PLEKHD1: variants seen among roughly 807,000 people sequenced by gnomAD.
The protein encoded by PLEKHD1 is pleckstrin homology domain-containing family D member 1.
PLEKHD1 carries 51 observed loss-of-function variants against 69.2 expected under a neutral mutation model. That is an observed-to-expected ratio of 0.74 (90% confidence interval 0.59 to 0.93). The LOEUF is 0.93. Among genes scored for constraint, PLEKHD1 ranks in the 40% least tolerant of loss-of-function variants. The probability of loss-of-function intolerance (pLI) is 0.00; values close to 1 mark genes in which losing one functional copy is unlikely to be tolerated. For missense variants in PLEKHD1, 584 were observed against 641.0 expected (o/e 0.91, Z 0.96); for synonymous variants, 236 against 244.7 (o/e 0.96, Z 0.33).
At chr14:69,488,794 C>G (rs1288498517) in intron 1 of PLEKHD1, among the ~76,000 whole-genome samples, 1 of 152,228 alleles carries the variant, frequency 6.6e-6, no homozygotes, top group Admixed American at 6.5e-5. Flanking sequence ...GTTTTTCACT[C>G]TCTGGCTCCT....
chr14:69,478,357 C>T, the PLEKHD1 span, among the ~76,000 whole-genome samples: 10 of 152,320 alleles, frequency 6.6e-5, no homozygotes, highest in South Asian at 2.1e-3. Flanking sequence ...TCTGACATGC[C>T]CTGGAGACAT....
In PLEKHD1 at chr14:69,485,108, C is replaced by T; in HGVS notation, c.143C>T (p.Ser48Phe). Residue 48 changes from serine (S) to phenylalanine (F), a missense_variant, in exon 1 of 13, where the codon TCC (serine) becomes TTC (phenylalanine). Ser to Phe is a radical substitution (Grantham distance 155, BLOSUM62 -2). Transcript: ENST00000322564. Reference protein sequence around the residue: ...RPFGRPSAKWSRRFFIIKESF... With the variant: ...RPFGRPSAKWFRRFFIIKESF... The stretch of plus-strand genomic sequence containing the variant: ...TTCGGCAGGCCGTCGGCCAAGTGGT[C>T]CCGGCGGTGAGTGCGCCCCCGCGCC... The T allele has an allele frequency of 1.3e-6, 2 of 1,549,800 alleles. No individual in the cohort carries two copies. Among genetic ancestry groups the T allele is most frequent in the South Asian group, 2.4e-5 (2 of 84,008 alleles).
At chr14:69,503,079 C>A in intron 6 of PLEKHD1, 200 bp downstream of exon 6, 2 of 602,438 alleles carry the variant, frequency 3.3e-6, no homozygotes, top group Non-Finnish European at 5.9e-6. Flanking sequence ...TTCTCCTTAC[C>A]AACCCCTGGG....
At chr14:69,507,149 C>A (rs924564077) in intron 6 of PLEKHD1, among the ~76,000 whole-genome samples, 4 of 152,150 alleles carry the variant, frequency 2.6e-5, no homozygotes, top group Admixed American at 2.0e-4. Context: ...CTCGGCCTCC[C>A]AAAGTGCTGG....
At chr14:69,490,410 G>A (rs1222022097) in intron 1 of PLEKHD1, among the ~76,000 whole-genome samples, 3 of 152,164 alleles carry the variant, frequency 2.0e-5, no homozygotes, top group Non-Finnish European at 4.4e-5. Flanking sequence ...TGCCAGCCAC[G>A]GGGAGAAGCT....
upstream of PLEKHD1, among the ~76,000 whole-genome samples, chr14:69,482,019 CT>C (rs141633020): frequency 0.011 from 1,613 of 152,300 alleles, 31 homozygotes; most frequent in African/African-American, 0.036. Context: ...GCAGTCTGGG[CT>C]GGTTAGTCAA....
chr14:69,501,838 G>A lies in PLEKHD1; in HGVS notation c.502+13G>A. The stretch of plus-strand genomic sequence containing the variant: ...CAGGAGTATTTAGGTTGGCTGGAGG[G>A]GTGGTTCCCTAATGGTAGCAGCACT... On this transcript the variant is annotated intron_variant, in intron 5 of 12. Coordinates refer to ENST00000322564, the MANE Select transcript of PLEKHD1 (RefSeq NM_001161498.2). The A allele has an allele frequency of 6.5e-7, 1 of 1,544,580 alleles. No individual in the cohort carries two copies. The highest frequency in any genetic ancestry group is 1.2e-5 in the South Asian group (1 of 83,700).
At chr14:69,474,524 C>T in the PLEKHD1 span, among the ~76,000 whole-genome samples, 1 of 152,182 alleles carries the variant, frequency 6.6e-6, no homozygotes. Context: ...AGATGTCCAC[C>T]TTTTTAGGTC....
At chr14:69,508,894 G>A (rs1883210234) in intron 6 of PLEKHD1, among the ~76,000 whole-genome samples, 1 of 152,208 alleles carries the variant, frequency 6.6e-6, no homozygotes. Flanking sequence ...GCGCCAGGGA[G>A]TGATGGCCCT....
rs1269825254 is a variant in PLEKHD1 at position 69,485,104 on chromosome 14, T to C, written c.139T>C (p.Trp47Arg). 2 of 1,550,238 alleles carry C rather than the reference T, an allele frequency of 1.3e-6. No individual in the cohort carries two copies. The highest frequency in any genetic ancestry group is 4.9e-5 in the East Asian group (2 of 40,890). ...KRPFGRPSAKWSRRFFIIKES... is the reference protein window; with the variant it reads ...KRPFGRPSAKRSRRFFIIKES... Reference sequence around the variant, plus strand: ...GCCTTTCGGCAGGCCGTCGGCCAAGTGGTCCCGGCGGTGAGTGCGCCCCCG... The same window carrying C: ...GCCTTTCGGCAGGCCGTCGGCCAAGCGGTCCCGGCGGTGAGTGCGCCCCCG... Residue 47 changes from tryptophan to arginine, a missense_variant, in exon 1 of 13, where the codon TGG becomes CGG. By Grantham distance (101) the Trp-to-Arg change is moderately radical (BLOSUM62 -3). Coordinates refer to ENST00000322564, the MANE Select transcript of PLEKHD1 (RefSeq NM_001161498.2).
chr14:69,508,848 G>A (rs538080955), intron 6 of PLEKHD1, among the ~76,000 whole-genome samples: 7 of 152,160 alleles, frequency 4.6e-5, no homozygotes, highest in Non-Finnish European at 8.8e-5. Flanking sequence ...TGAACAATAG[G>A]CACTAGATTC....
At chr14:69,484,660 G>A (rs10150434), upstream of PLEKHD1, 1 of 280,430 alleles carries the variant, frequency 3.6e-6, no homozygotes, top group East Asian at 6.6e-5. Context: ...GCTGTCGCCG[G>A]GGGGGTGGGT....
the PLEKHD1 span, among the ~76,000 whole-genome samples, chr14:69,468,151 G>T: frequency 6.6e-6 from 1 of 152,214 alleles, no homozygotes; most frequent in Non-Finnish European, 1.5e-5. Flanking sequence ...AGTTAGTTAA[G>T]ACAAGGGAGA....
chr14:69,517,056 G>A (rs1163409350), intron 6 of PLEKHD1, among the ~76,000 whole-genome samples: 1 of 151,964 alleles, frequency 6.6e-6, no homozygotes, highest in African/African-American at 2.4e-5. Context: ...ATTAGTCCAG[G>A]CAAGACCTAA....
At chr14:69,513,787 G>C (rs897996067) in intron 6 of PLEKHD1, among the ~76,000 whole-genome samples, 1 of 152,054 alleles carries the variant, frequency 6.6e-6, no homozygotes, top group Admixed American at 6.6e-5. Context: ...AGGTCTACTG[G>C]CAACAAATTC....
intron 5 of PLEKHD1, 159 bp downstream of exon 5, chr14:69,501,984 A>G: frequency 1.7e-6 from 1 of 590,364 alleles, no homozygotes; most frequent in Non-Finnish European, 3.0e-6. Context: ...CTGGTACACT[A>G]CGCATCCTTT....
At chr14:69,515,201 A>AAACC (rs774175492) in intron 6 of PLEKHD1, among the ~76,000 whole-genome samples, 51 of 152,188 alleles carry the variant, frequency 3.4e-4, no homozygotes, top group Admixed American at 7.9e-4. Context: ...CTGTCTCAAC[A>AAACC]AACCAACCAA....
At chr14:69,492,854 C>T (rs531703607) in intron 1 of PLEKHD1, among the ~76,000 whole-genome samples, 2 of 152,126 alleles carry the variant, frequency 1.3e-5, no homozygotes, top group African/African-American at 2.4e-5. Context: ...ACTGTAGCGT[C>T]GACCTCCTGG....
chr14:69,479,100 A>G, the PLEKHD1 span, among the ~76,000 whole-genome samples: 1 of 152,316 alleles, frequency 6.6e-6, no homozygotes, highest in South Asian at 2.1e-4. Flanking sequence ...AGAAGGTGAA[A>G]GGCATGTCTC....
Sources: allele counts gnomAD v4.1 joint callset (sites outside exome capture counted in the v4.1 genomes callset), GRCh38; gene constraint gnomAD v4.1.1; transcripts MANE v1.5; gene names NCBI Gene and HGNC (gene_info 2026-07-23, HGNC 2026-07-21).